The following GOLGA2 variants were observed in gnomAD, a reference collection of about 807,000 sequenced individuals.
GOLGA2 encodes the protein golgin A2.
In GOLGA2, 49 loss-of-function variants were observed where a neutral mutation model predicts 148.8. The observed-to-expected ratio is 0.33, with a 90% CI of 0.26 to 0.42. GOLGA2 has a LOEUF of 0.42. GOLGA2 is among the 10% of genes least tolerant of loss of function. The pLI, the probability that GOLGA2 is intolerant of heterozygous loss-of-function variation, is 1.00. For synonymous variants in GOLGA2, 501 were observed against 511.8 expected (o/e 0.98, Z 0.28); for missense variants, 1,178 against 1,304.6 (o/e 0.90, Z 1.49).
Position 128,271,261 on chromosome 9 carries a change from GA to G in GOLGA2, c.288+1523del, listed in dbSNP as rs987287340. 6.6e-6 allele frequency among the ~76,000 whole-genome samples: 1 copy of G among 152,168 alleles called. No individual in the cohort carries two copies. The highest frequency in any genetic ancestry group is 3.2e-3 in the Middle Eastern group (1 of 316). On this transcript the variant is annotated intron_variant, in intron 3 of 26. Transcript: ENST00000611957. This position sits in a 1 kb window ranked among gnomAD's most constrained non-coding sequence, Gnocchi z 4.4. ...AGCCGTACCACTCAGCGTCTCCTCT[GA>G]GCTGGCAAGGTGAGTCACAGCACCT...
Position 128,257,506 on chromosome 9 carries a change from T to TGCAGCTCCA in GOLGA2, c.2729_2737dup (p.Leu910_Leu912dup). 2 of 1,614,052 alleles carry TGCAGCTCCA rather than the reference T, an allele frequency of 1.2e-6. No individual in the cohort carries two copies. The highest frequency in any genetic ancestry group is 1.7e-6 in the Non-Finnish European group (2 of 1,180,014). Reference sequence around the variant, plus strand: ...GCCCACAAGCCGTAAGACCAGCTCCTGCAGCTCCAGCAGCTTCACCTGGAG... The same window carrying TGCAGCTCCA: ...GCCCACAAGCCGTAAGACCAGCTCCTGCAGCTCCAGCAGCTCCAGCAGCTTCACCTGGAG... On this transcript the variant is annotated inframe_insertion, in exon 26 of 27. Transcript: ENST00000611957. This position sits in a 1 kb window ranked among gnomAD's most constrained non-coding sequence, Gnocchi z 8.0.
Position 128,260,028 on chromosome 9 carries a change from A to G in GOLGA2, c.1872+48T>C, listed in dbSNP as rs1255631948. The stretch of plus-strand genomic sequence containing the variant: ...CTCTGGCCTCACACCACCCCTCCCC[A>G]GAGGCTGGTGCCCGCCTCCCAGCCC... On this transcript the variant is annotated intron_variant, in intron 19 of 26. Transcript: ENST00000611957. The surrounding 1 kb of genome is among the most constrained non-coding windows in gnomAD (Gnocchi z 4.8). The G allele has an allele frequency of 7.4e-7, 1 of 1,344,204 alleles. No individual in the cohort carries two copies. The highest frequency in any genetic ancestry group is 1.1e-6 in the Non-Finnish European group (1 of 944,582). 83.3% of individuals were successfully genotyped at this position (1,344,204 alleles called of 1,614,324 possible). A position where few individuals can be genotyped will look rare whatever the true frequency, so the allele number is the denominator to read the frequency against.
chr9:128,262,738 G>A (rs372564769), intron 13 of GOLGA2, 34 bp from the exon 14 acceptor site: 51 of 1,598,444 alleles, frequency 3.2e-5, no homozygotes, highest in African/African-American at 3.0e-4. Flanking sequence ...AGGAATGAAC[G>A]AAGAACAGAA....
intron 12 of GOLGA2, among the ~76,000 whole-genome samples, chr9:128,264,648 G>A (rs962873059): frequency 6.6e-6 from 1 of 151,598 alleles, no homozygotes; most frequent in African/African-American, 2.4e-5. Context: ...GGCTGGTCTC[G>A]AACTCCTGAC....
Position 128,261,179 on chromosome 9 carries a change from G to T in GOLGA2, c.1413C>A (p.Asn471Lys). 1 of 1,609,762 alleles carries T rather than the reference G, an allele frequency of 6.2e-7. No homozygotes were observed. Among genetic ancestry groups the T allele is most frequent in the Non-Finnish European group, 8.5e-7 (1 of 1,176,178 alleles). Residue 471 changes from asparagine to lysine, a missense_variant, in exon 17 of 27, where the codon AAC becomes AAA. Asn to Lys is a moderately conservative substitution (Grantham distance 94). Around this residue, in one of 5 missense-constraint regions of GOLGA2, gnomAD observed 529 missense variants for 521.8 expected, o/e 1.01. Coordinates refer to ENST00000611957, the MANE Select transcript of GOLGA2 (RefSeq NM_001366244.2). The surrounding 1 kb of genome is among the most constrained non-coding windows in gnomAD (Gnocchi z 5.7). ...ELETSLAELR[N>K]QMAEPPPPEP... ...ACCCCAGCCCCAGCTTACCCATCTG[G>T]TTCCTCAGTTCAGCCAAGCTCGTCT... is the stretch of plus-strand genomic sequence containing the variant.
At chr9:128,270,346 G>C (rs1320290055) in intron 3 of GOLGA2, among the ~76,000 whole-genome samples, 1 of 152,012 alleles carries the variant, frequency 6.6e-6, no homozygotes, top group Non-Finnish European at 1.5e-5. Context: ...TGGCCAGGCT[G>C]CTCTCGAACT....
At chr9:128,273,156 C>A (rs1170189104) in intron 2 of GOLGA2, among the ~76,000 whole-genome samples, 1 of 152,156 alleles carries the variant, frequency 6.6e-6, no homozygotes, top group East Asian at 1.9e-4. Context: ...TCTCCTTAGG[C>A]CCAGGATGTG....
chr9:128,263,706 C>T (rs1588483775), intron 12 of GOLGA2, among the ~76,000 whole-genome samples: 1 of 151,914 alleles, frequency 6.6e-6, no homozygotes, highest in Admixed American at 6.5e-5. Flanking sequence ...GCGTGAGCCA[C>T]CATGCCTGGC....
At position 128,267,972 on chromosome 9, in the gene GOLGA2, G is replaced by A; in HGVS notation, c.463C>T (p.Arg155Ter). ...CCATTGAGCTGTTGGGAGAGTTGTC[G>A]CAGGCTCTCGGTTGATGAGAAAGTC... The part of the protein sequence containing the change: ...TKTFSSTESL[R>*]QLSQQLNGLV... Residue 155 changes from arginine to a stop codon, truncating the protein, a stop_gained, in exon 6 of 27, where the codon CGA becomes TGA. Transcript: ENST00000611957. LOFTEE classifies it high-confidence loss of function. 1 of 1,613,820 alleles carries A rather than the reference G, an allele frequency of 6.2e-7. No homozygotes were observed. The highest frequency in any genetic ancestry group is 8.5e-7 in the Non-Finnish European group (1 of 1,179,836).
intron 5 of GOLGA2, 47 bp from the exon 6 acceptor site, chr9:128,268,044 AAAG>A: frequency 1.2e-6 from 2 of 1,603,336 alleles, no homozygotes; most frequent in Non-Finnish European, 1.7e-6. Context: ...GCTCAATGGG[AAAG>A]AAGGTCATGG....
Position 128,257,481 on chromosome 9 carries a change from G to A in GOLGA2, c.2763C>T (p.Gly921=), listed in dbSNP as rs751384019. 19 of 1,611,026 alleles carry A rather than the reference G, an allele frequency of 1.2e-5. No individual in the cohort carries two copies. The highest frequency in any genetic ancestry group is 6.7e-5 in the Admixed American group (4 of 59,670). Residue 921 remains glycine (G), a synonymous_variant, in exon 26 of 27, where the codon GGC becomes GGT. Coordinates refer to ENST00000611957, the MANE Select transcript of GOLGA2 (RefSeq NM_001366244.2). This position sits in a 1 kb window ranked among gnomAD's most constrained non-coding sequence, Gnocchi z 8.0. Reference sequence around the variant, plus strand: ...ATCTGCCATGCCACTCGTTGCGGTCGCCCACAAGCCGTAAGACCAGCTCCT... The same window carrying A: ...ATCTGCCATGCCACTCGTTGCGGTCACCCACAAGCCGTAAGACCAGCTCCT... ...ELQELVLRLV[G]DRNEWHGRFL... is the part of the protein sequence containing the mutation.
intron 6 of GOLGA2, 42 bp from the exon 7 acceptor site, chr9:128,267,559 C>CA (rs1830671180): frequency 1.4e-6 from 2 of 1,451,024 alleles, no homozygotes; most frequent in African/African-American, 2.8e-5. Flanking sequence ...TCTGTCCCCT[C>CA]AGTGTCTAAG....
Position 128,268,453 on chromosome 9 carries a change from A to G in GOLGA2, c.360T>C (p.Pro120=). Residue 120 remains proline, a synonymous_variant, in exon 4 of 27, where the codon CCT becomes CCC. Coordinates refer to ENST00000611957, the MANE Select transcript of GOLGA2 (RefSeq NM_001366244.2). The part of the protein sequence containing the change: ...DTVLPGGVPS[P]GASLTSMAAS... ...CCGCCATGCTAGTGAGACTGGCACC[A>G]GGGGAAGGGACACCGCCAGGTAACA... The G allele has an allele frequency of 6.2e-7, 1 of 1,610,548 alleles. No individual in the cohort carries two copies. Among genetic ancestry groups the G allele is most frequent in the Non-Finnish European group, 8.5e-7 (1 of 1,177,270 alleles).
At position 128,267,467 on chromosome 9, in the gene GOLGA2, C is replaced by T. The variant is rs761405476; in HGVS notation, c.552G>A (p.Lys184=). 12 of 1,613,232 alleles carry T rather than the reference C, an allele frequency of 7.4e-6. No homozygotes were observed. The Admixed American group carries it at 1.8e-4, about 25-fold the overall frequency. The part of the protein sequence containing the change: ...GEGPASSANL[K]DLESRYQQLA... ...GCCCAGGGCCTCTTACCTCCAGATC[C>T]TTCAGGTTAGCAGACGATGCAGGGC... Residue 184 remains lysine, a synonymous_variant, in exon 7 of 27, where the codon AAG becomes AAA. Coordinates refer to ENST00000611957, the MANE Select transcript of GOLGA2 (RefSeq NM_001366244.2).
At position 128,261,713 on chromosome 9, in the gene GOLGA2, C is replaced by T; in HGVS notation, c.1179G>A (p.Gln393=). 6.2e-7 allele frequency: 1 copy of T among 1,613,320 alleles called. No individual in the cohort carries two copies. The highest frequency in any genetic ancestry group is 8.5e-7 in the Non-Finnish European group (1 of 1,179,260). The change falls in exon 15 of 27, where the codon CAG becomes CAA. Residue 393 remains glutamine, a synonymous_variant. Transcript: ENST00000611957. This position sits in a 1 kb window ranked among gnomAD's most constrained non-coding sequence, Gnocchi z 5.7. ...GCTGTGCCCGCTCCTCCATGGCCTG[C>T]TGTAACTGCTGGTTAGCATCAGGGG... The part of the protein sequence containing the change: ...CEAPDANQQL[Q]QAMEERAQLE...
chr9:128,267,000 G>A lies in GOLGA2; in HGVS notation c.642+194C>T, dbSNP rs953616273. The A allele has an allele frequency of 6.2e-5, 39 of 631,280 alleles. No homozygotes were observed. Among genetic ancestry groups the A allele is most frequent in the Non-Finnish European group, 1.0e-4 (36 of 350,100 alleles). The allele number at this position is 631,280 out of a possible 1,614,324, so 39.1% of individuals were successfully genotyped here. A position where few individuals can be genotyped will look rare whatever the true frequency, so the allele number is the denominator to read the frequency against. On this transcript the variant is annotated intron_variant, in intron 8 of 26. Coordinates refer to ENST00000611957, the MANE Select transcript of GOLGA2 (RefSeq NM_001366244.2). The surrounding 1 kb of genome is among the most constrained non-coding windows in gnomAD (Gnocchi z 4.2). ...GGGGTGTCTAGAGAAGAGAGAGTAG[G>A]CAAAGAGGGCAGCAACAGAAGAGCC...
chr9:128,272,159 G>A (rs1830995847), intron 3 of GOLGA2, among the ~76,000 whole-genome samples: 2 of 149,254 alleles, frequency 1.3e-5, no homozygotes, highest in African/African-American at 4.9e-5. Context: ...TAGTCTGAGA[G>A]TACCCACACT....
rs748974259 is a variant in GOLGA2, at chr9:128,260,515, G to C, written c.1708C>G (p.Arg570Gly). Residue 570 changes from arginine to glycine, a missense_variant, in exon 18 of 27, where the codon CGG becomes GGG. This residue lies in a region of GOLGA2 where 529 missense variants were observed against 521.8 expected (regional missense o/e 1.01). Transcript: ENST00000611957. This position sits in a 1 kb window ranked among gnomAD's most constrained non-coding sequence, Gnocchi z 4.8. Reference sequence around the variant, plus strand: ...TCAGCCAGCTGCTCCTTGAGCTCCCGGTTCTGGGAGAGTGCGCGGCTGATG... The same window carrying C: ...TCAGCCAGCTGCTCCTTGAGCTCCCCGTTCTGGGAGAGTGCGCGGCTGATG... ...TTISRALSQN[R>G]ELKEQLAELQ... 3 of 1,613,268 alleles carry C rather than the reference G, an allele frequency of 1.9e-6. No homozygotes were observed. Among genetic ancestry groups the C allele is most frequent in the South Asian group, 1.1e-5 (1 of 91,076 alleles).
chr9:128,273,920 T>C lies in GOLGA2; in HGVS notation c.137A>G (p.Lys46Arg), dbSNP rs142168936. Residue 46 changes from lysine to arginine, a missense_variant, in exon 2 of 27, where the codon AAG becomes AGG. By Grantham distance (26) the Lys-to-Arg change is conservative. Coordinates refer to ENST00000611957, the MANE Select transcript of GOLGA2 (RefSeq NM_001366244.2). ...NSPGVPTGAK[K>R]KKKIKNGSNP... Reference sequence around the variant, plus strand: ...ACTGCCATTTTTTATTTTCTTCTTCTTTTTCGCTCCTGTAGGAACACCAGG... The same window carrying C: ...ACTGCCATTTTTTATTTTCTTCTTCCTTTTCGCTCCTGTAGGAACACCAGG... 7 of 1,613,552 alleles carry C rather than the reference T, an allele frequency of 4.3e-6. No individual in the cohort carries two copies. In the African/African-American group the frequency reaches 9.3e-5, roughly 22 times the overall value.
Sources: allele counts gnomAD v4.1 joint callset (sites outside exome capture counted in the v4.1 genomes callset), GRCh38; gene constraint gnomAD v4.1.1; regional missense constraint gnomAD v4.1.1; non-coding constraint Gnocchi (gnomAD v3.1); transcripts MANE v1.5; gene names NCBI Gene and HGNC (gene_info 2026-07-23, HGNC 2026-07-21).